EVI5: variants seen among roughly 807,000 people sequenced by gnomAD.
EVI5 encodes ecotropic viral integration site 5.
EVI5 carries 73 observed loss-of-function variants against 112.0 expected under a neutral mutation model. That is an observed-to-expected ratio of 0.65 (90% CI 0.54 to 0.79). The LOEUF is 0.79. Among genes scored for constraint, EVI5 ranks in the 30% least tolerant of loss-of-function variants. The pLI is 0.00. For synonymous variants in EVI5, 305 were observed against 319.9 expected (o/e 0.95, Z 0.50); for missense variants, 900 against 968.8 (o/e 0.93, Z 0.94).
At chr1:92,740,033 C>G (rs1300206860) in intron 1 of EVI5, among the ~76,000 whole-genome samples, 2 of 150,888 alleles carry the variant, frequency 1.3e-5, no homozygotes, top group East Asian at 3.9e-4. Flanking sequence ...AGGACTTCAG[C>G]TATATACAGA....
chr1:92,554,468 G>A (rs2100796053), intron 19 of EVI5, among the ~76,000 whole-genome samples: 1 of 152,202 alleles, frequency 6.6e-6, no homozygotes, highest in East Asian at 1.9e-4. Context: ...TGAAAAACAA[G>A]ATAAATTTTA....
At chr1:92,635,733 C>T (rs2101907196) in intron 14 of EVI5, among the ~76,000 whole-genome samples, 1 of 152,274 alleles carries the variant, frequency 6.6e-6, no homozygotes, top group East Asian at 1.9e-4. Flanking sequence ...CATTCGTCTT[C>T]TGCGTCGCTC....
chr1:92,671,676 A>T (rs533130480), intron 10 of EVI5, among the ~76,000 whole-genome samples: 16 of 152,202 alleles, frequency 1.1e-4, no homozygotes, highest in Admixed American at 2.0e-4. Flanking sequence ...AACACCATTT[A>T]TCTACCTGCT....
At chr1:92,749,756 G>A (rs75699332) in intron 1 of EVI5, among the ~76,000 whole-genome samples, 1 of 152,110 alleles carries the variant, frequency 6.6e-6, no homozygotes, top group East Asian at 1.9e-4. Context: ...ATAAAATAAT[G>A]TACTTTGCCA....
At chr1:92,622,095 G>A (rs977045803) in intron 16 of EVI5, among the ~76,000 whole-genome samples, 5 of 151,086 alleles carry the variant, frequency 3.3e-5, no homozygotes, top group Non-Finnish European at 5.9e-5. Flanking sequence ...ACTCCAGCCT[G>A]GGCGACAAAG....
At chr1:92,792,024 A>T in intron 1 of EVI5, among the ~76,000 whole-genome samples, 1 of 152,246 alleles carries the variant, frequency 6.6e-6, no homozygotes, top group East Asian at 1.9e-4. Context: ...TATTCAAAGA[A>T]ACGTAAACAG....
At chr1:92,780,127 C>A (rs533884722) in intron 1 of EVI5, among the ~76,000 whole-genome samples, 29 of 152,300 alleles carry the variant, frequency 1.9e-4, no homozygotes, top group South Asian at 1.2e-3. Context: ...TGAGTGAGTT[C>A]TCACGAGATC....
At chr1:92,711,969 G>C (rs370476059) in intron 2 of EVI5, among the ~76,000 whole-genome samples, 1 of 152,052 alleles carries the variant, frequency 6.6e-6, no homozygotes, top group African/African-American at 2.4e-5. Flanking sequence ...AGGCCTTTAC[G>C]GGCCCTCACA....
rs144170653 is a variant in EVI5 at position 92,575,091 on chromosome 1, A to G, written c.2071-11354T>C. Among the ~76,000 whole-genome samples, 986 of 152,358 alleles carry G rather than the reference A, an allele frequency of 6.5e-3. 13 individuals carry two copies. The highest frequency in any genetic ancestry group is 0.029 in the Admixed American group (442 of 15,300). ...AGGCAAATATAAAAGCATCGAGTCC[A>G]TTATTTTACAACTTACAAAATTTTC... is the stretch of plus-strand genomic sequence containing the variant. On this transcript the variant is annotated intron_variant, in intron 18 of 19. Coordinates refer to ENST00000684568, the MANE Select transcript of EVI5 (RefSeq NM_001350197.2).
intron 18 of EVI5, among the ~76,000 whole-genome samples, chr1:92,588,925 A>C (rs1338469067): frequency 6.6e-6 from 1 of 152,248 alleles, no homozygotes; most frequent in Non-Finnish European, 1.5e-5. Context: ...TGGAAATATA[A>C]AGTCAAATAA....
At position 92,513,928 on chromosome 1, in the gene EVI5, G is replaced by T. The variant is rs746945638; in HGVS notation, c.2209C>A (p.Pro737Thr). The change falls in exon 20 of 20, where the codon CCT becomes ACT. Residue 737 changes from proline to threonine, a missense_variant. By Grantham distance (38) the Pro-to-Thr change is conservative. Transcript: ENST00000684568. ...KGQRGFSGQP[P>T]FDGIHIVNHL... ...TTGACAATGTGGATTCCATCAAAAGGAGGTTGGCCTGAGAAGCCCCTCTGG... is the reference window on the plus strand; with the variant it reads ...TTGACAATGTGGATTCCATCAAAAGTAGGTTGGCCTGAGAAGCCCCTCTGG... The T allele has an allele frequency of 1.3e-6, 2 of 1,592,464 alleles. No individual in the cohort carries two copies. Among genetic ancestry groups the T allele is most frequent in the Non-Finnish European group, 1.7e-6 (2 of 1,165,992 alleles).
At chr1:92,638,667 T>A (rs780941446) in intron 13 of EVI5, among the ~76,000 whole-genome samples, 2 of 152,160 alleles carry the variant, frequency 1.3e-5, no homozygotes, top group Non-Finnish European at 2.9e-5. Context: ...CAGACACATG[T>A]TAAGCACTTT....
At chr1:92,558,947 C>A (rs540073180) in intron 19 of EVI5, among the ~76,000 whole-genome samples, 16 of 152,198 alleles carry the variant, frequency 1.1e-4, no homozygotes, top group African/African-American at 3.6e-4. Context: ...CCACTATACA[C>A]CGTGGTTTAC....
chr1:92,663,513 G>GA (rs1664379480), intron 11 of EVI5, 61 bp from the exon 12 acceptor site: 3 of 837,196 alleles, frequency 3.6e-6, no homozygotes, highest in African/African-American at 3.5e-5. Flanking sequence ...ATAAAATTAG[G>GA]AAAAAAGAAA....
chr1:92,637,696 C>A (rs1400849837), intron 13 of EVI5, among the ~76,000 whole-genome samples: 1 of 152,022 alleles, frequency 6.6e-6, no homozygotes, highest in Non-Finnish European at 1.5e-5. Flanking sequence ...TCATAAAAAA[C>A]AATCTTCTAC....
intron 11 of EVI5, among the ~76,000 whole-genome samples, chr1:92,664,485 T>TAAAAAAAAAA (rs59296856): frequency 6.9e-6 from 1 of 143,964 alleles, no homozygotes; most frequent in Non-Finnish European, 1.5e-5. Flanking sequence ...TCCAAAGATT[T>TAAAAAAAAAA]AAAAAAAAAA....
chr1:92,691,405 AAC>A (rs1259555676), intron 9 of EVI5, among the ~76,000 whole-genome samples: 3 of 152,228 alleles, frequency 2.0e-5, no homozygotes, highest in Admixed American at 1.3e-4. Context: ...ACAAAATATT[AAC>A]AGTTGTTAAA....
At chr1:92,576,510 G>C (rs911552192) in intron 18 of EVI5, among the ~76,000 whole-genome samples, 1 of 151,862 alleles carries the variant, frequency 6.6e-6, no homozygotes, top group South Asian at 2.1e-4. Flanking sequence ...TTATTAAGAA[G>C]AATATTGATA....
intron 19 of EVI5, among the ~76,000 whole-genome samples, chr1:92,553,148 T>A (rs1667192896): frequency 6.6e-6 from 1 of 151,966 alleles, no homozygotes; most frequent in East Asian, 1.9e-4. Flanking sequence ...TTATTTATTT[T>A]GAGACAGGGT....
Sources: allele counts gnomAD v4.1 joint callset (sites outside exome capture counted in the v4.1 genomes callset), GRCh38; gene constraint gnomAD v4.1.1; transcripts MANE v1.5; gene names NCBI Gene and HGNC (gene_info 2026-07-23, HGNC 2026-07-21).